WWOX: variants seen among roughly 807,000 people sequenced by gnomAD.
The protein encoded by WWOX is WW domain containing oxidoreductase.
In WWOX, 69 loss-of-function variants were observed where a neutral mutation model predicts 46.2. The ratio of observed to expected loss-of-function variants is 1.49; its 90% CI spans 1.23 to 1.82. WWOX has a LOEUF of 1.82. Ranked by LOEUF, WWOX falls within the 40% of genes most tolerant of loss-of-function variation. WWOX has a pLI of 0.00. For synonymous variants in WWOX, 359 were observed against 202.6 expected, an observed-to-expected ratio of 1.77 and a Z score of -6.56; for missense variants, 919 against 542.6, an observed-to-expected ratio of 1.69 and a Z score of -6.89.
At chr16:78,575,029 ATATATATATATATATAT>A (rs2044827814) in intron 8 of WWOX, among the ~76,000 whole-genome samples, 1 of 1,852 alleles carries the variant, frequency 5.4e-4, no homozygotes, top group Non-Finnish European at 1.0e-3. Context: ...ATAAATATAT[ATATATATATATATATAT>A]ATATATATAT....
chr16:78,495,402 A>C (rs1050708358), intron 8 of WWOX, among the ~76,000 whole-genome samples: 19 of 151,746 alleles, frequency 1.3e-4, no homozygotes, highest in Admixed American at 5.3e-4. Context: ...TGGCCTCCCA[A>C]AGTGCTGGGA....
Position 78,366,771 on chromosome 16 carries a change from C to G in WWOX, c.517-20089C>G, listed in dbSNP as rs192116690. ...TTTCCAATCTCTGTTCTAGAGGATT[C>G]GTGGTCATTTGGAAAGAAAAGTATG... On this transcript the variant is annotated intron_variant, in intron 5 of 8. Coordinates refer to ENST00000566780, the MANE Select transcript of WWOX (RefSeq NM_016373.4). Among the ~76,000 whole-genome samples the G allele has an allele frequency of 2.0e-3, 303 of 152,116 alleles. 1 individual carries two copies. The highest frequency in any genetic ancestry group is 6.6e-3 in the African/African-American group (273 of 41,482).
intron 5 of WWOX, among the ~76,000 whole-genome samples, chr16:78,369,080 T>G (rs945773067): frequency 6.6e-6 from 1 of 152,124 alleles, no homozygotes; most frequent in Non-Finnish European, 1.5e-5. Context: ...TTAACTATTC[T>G]TCTTTAGAGT....
At chr16:78,646,743 T>G (rs1453547880) in intron 8 of WWOX, among the ~76,000 whole-genome samples, 2 of 152,210 alleles carry the variant, frequency 1.3e-5, no homozygotes, top group African/African-American at 4.8e-5. Context: ...AATTTTATTT[T>G]TCAGTTTACT....
At chr16:78,357,307 G>A (rs965859129) in intron 5 of WWOX, among the ~76,000 whole-genome samples, 3 of 152,182 alleles carry the variant, frequency 2.0e-5, no homozygotes, top group Admixed American at 6.5e-5. Flanking sequence ...TTTGGGAATA[G>A]CATAGGTACT....
intron 8 of WWOX, among the ~76,000 whole-genome samples, chr16:79,099,244 C>T (rs2049140690): frequency 6.6e-6 from 1 of 152,226 alleles, no homozygotes; most frequent in African/African-American, 2.4e-5. Context: ...CATCTCCTGA[C>T]ATCTTCACAC....
chr16:78,208,073 A>G (rs926427970), intron 5 of WWOX, among the ~76,000 whole-genome samples: 13 of 152,178 alleles, frequency 8.5e-5, no homozygotes, highest in Admixed American at 2.6e-4. Flanking sequence ...TTGGCTTCCC[A>G]AAATGCTGGT....
At chr16:78,407,829 C>T (rs1275457062) in intron 6 of WWOX, among the ~76,000 whole-genome samples, 3 of 152,224 alleles carry the variant, frequency 2.0e-5, no homozygotes, top group African/African-American at 4.8e-5. Context: ...CTTCTTACCA[C>T]ATCTTGAGTC....
intron 8 of WWOX, among the ~76,000 whole-genome samples, chr16:78,538,042 C>A (rs868817872): frequency 1.3e-5 from 2 of 151,904 alleles, no homozygotes; most frequent in African/African-American, 4.8e-5. Context: ...AAATCATGAA[C>A]ACTGTCTTTT....
intron 8 of WWOX, among the ~76,000 whole-genome samples, chr16:78,668,791 G>A (rs559670863): frequency 1.3e-5 from 2 of 152,252 alleles, no homozygotes; most frequent in East Asian, 3.9e-4. Context: ...AGAGGGAATA[G>A]CAGGTACAGC....
intron 8 of WWOX, among the ~76,000 whole-genome samples, chr16:78,499,310 T>C (rs2084997910): frequency 6.6e-6 from 1 of 152,246 alleles, no homozygotes; most frequent in South Asian, 2.1e-4. Flanking sequence ...GGTGGTGGGG[T>C]GGCACACATG....
intron 8 of WWOX, among the ~76,000 whole-genome samples, chr16:78,434,320 C>A (rs541622524): frequency 6.6e-6 from 1 of 152,130 alleles, no homozygotes; most frequent in African/African-American, 2.4e-5. Flanking sequence ...TGAAACTTAC[C>A]TGTAGGTGGA....
chr16:79,129,994 A>G (rs1419716765), intron 8 of WWOX, among the ~76,000 whole-genome samples: 1 of 152,236 alleles, frequency 6.6e-6, no homozygotes, highest in African/African-American at 2.4e-5. Context: ...GAGGTAATAA[A>G]AACAGCTAAT....
In WWOX at chr16:78,099,714, T is replaced by C; in HGVS notation, c.-65T>C. Reference sequence around the variant, plus strand: ...GCGCGGGTCTCGTTTGGAGCGGGAGTGAGTTCCTGAGCGAGTGGACCCGGC... The same window carrying C: ...GCGCGGGTCTCGTTTGGAGCGGGAGCGAGTTCCTGAGCGAGTGGACCCGGC... On this transcript the variant is annotated 5_prime_UTR_variant, in exon 1 of 9. Transcript: ENST00000566780. 1.4e-6 allele frequency: 2 copies of C among 1,481,174 alleles called. No homozygotes were observed. 91.8% of individuals were successfully genotyped at this position (1,481,174 alleles called of 1,614,324 possible).
At chr16:78,691,293 G>A (rs1484204116) in intron 8 of WWOX, 4 of 702,130 alleles carry the variant, frequency 5.7e-6, no homozygotes, top group Admixed American at 2.0e-5. Flanking sequence ...AGTGACTTTG[G>A]TGAGTTCTTA....
At chr16:78,816,497 C>A (rs942585188) in intron 8 of WWOX, among the ~76,000 whole-genome samples, 48 of 124,518 alleles carry the variant, frequency 3.9e-4, no homozygotes, top group African/African-American at 1.3e-3. Flanking sequence ...CAAGAAGGAG[C>A]CACTCTTTTT....
intron 8 of WWOX, among the ~76,000 whole-genome samples, chr16:79,025,708 T>G: frequency 6.6e-6 from 1 of 152,152 alleles, no homozygotes; most frequent in Middle Eastern, 3.4e-3. Context: ...AGGAAACTAA[T>G]ATACCCTTTA....
At chr16:78,351,173 C>T (rs1230318697) in intron 5 of WWOX, among the ~76,000 whole-genome samples, 1 of 152,142 alleles carries the variant, frequency 6.6e-6, no homozygotes. Flanking sequence ...AGGCACATAC[C>T]AAGAGCTTAC....
chr16:78,901,954 A>C (rs7191942), intron 8 of WWOX, among the ~76,000 whole-genome samples: 12,464 of 151,898 alleles, frequency 0.082, 1,243 homozygotes, highest in African/African-American at 0.24. Flanking sequence ...TCCCATTCCC[A>C]CTCCATTATG....
Sources: gnomAD v4.1 joint callset for allele counts (sites outside exome capture counted in the v4.1 genomes callset) on GRCh38, gnomAD v4.1.1 for gene constraint, MANE v1.5 for transcripts, NCBI Gene and HGNC (gene_info 2026-07-23, HGNC 2026-07-21) for gene names.